The following AIG1 variants were observed in gnomAD, a reference collection of about 807,000 sequenced individuals.
AIG1 encodes androgen-induced gene 1 protein.
A neutral mutation model predicts 31.4 loss-of-function variants in AIG1; 23 were observed. The observed-to-expected ratio is 0.73, with a 90% CI of 0.53 to 1.04. The LOEUF (loss-of-function observed/expected upper bound fraction) is 1.04. AIG1 is among the 50% of genes least tolerant of loss of function. AIG1 has a pLI of 0.00. For missense variants in AIG1, 274 were observed against 295.0 expected (o/e 0.93, Z 0.52); for synonymous variants, 100 against 110.5 (o/e 0.90, Z 0.60).
At chr6:143,102,146 C>T (rs2128484054) in intron 1 of AIG1, among the ~76,000 whole-genome samples, 1 of 151,934 alleles carries the variant, frequency 6.6e-6, no homozygotes, top group African/African-American at 2.4e-5. Flanking sequence ...TATTTTATAG[C>T]TTGCTTTATG....
chr6:143,216,655 A>T (rs896725253), intron 3 of AIG1, among the ~76,000 whole-genome samples: 3 of 152,226 alleles, frequency 2.0e-5, no homozygotes, highest in African/African-American at 4.8e-5. Flanking sequence ...CATAGTACAG[A>T]TCAGGAATGG....
intron 1 of AIG1, among the ~76,000 whole-genome samples, chr6:143,084,184 T>G (rs1346172496): frequency 1.3e-5 from 2 of 152,152 alleles, no homozygotes; most frequent in Non-Finnish European, 2.9e-5. Flanking sequence ...GGTGATGGTA[T>G]GGGCTGGTGC....
At chr6:143,290,469 G>A (rs934891966) in intron 4 of AIG1, among the ~76,000 whole-genome samples, 26 of 152,184 alleles carry the variant, frequency 1.7e-4, no homozygotes, top group African/African-American at 5.1e-4. Context: ...CCGGAGTTGC[G>A]CGCATGCTCA....
At chr6:143,132,320 TTC>T (rs1358657013) in intron 1 of AIG1, among the ~76,000 whole-genome samples, 13 of 152,210 alleles carry the variant, frequency 8.5e-5, no homozygotes, top group Non-Finnish European at 1.8e-4. Flanking sequence ...TGATATTTAA[TTC>T]TCTCAGTTTC....
chr6:143,117,711 G>A (rs1781860924), intron 1 of AIG1, among the ~76,000 whole-genome samples: 1 of 152,094 alleles, frequency 6.6e-6, no homozygotes, highest in African/African-American at 2.4e-5. Flanking sequence ...GTCAAGAGTC[G>A]ATCAGATCTC....
chr6:143,139,859 C>CA (rs989808163), intron 2 of AIG1, among the ~76,000 whole-genome samples: 10 of 151,814 alleles, frequency 6.6e-5, no homozygotes, highest in Non-Finnish European at 1.5e-4. Context: ...ATTTTGAGGC[C>CA]AAAAAAAGCC....
chr6:143,136,905 G>A lies in AIG1; in HGVS notation c.212G>A (p.Gly71Glu). The part of the protein sequence containing the change: ...DLSSLLTRGS[G>E]NQEQERQLKK... ...TCCAGTCTTCTGACTCGAGGAAGTG[G>A]GAACCAGGAGCAAGAGAGGCAGCTC... The change falls in exon 2 of 6, where the codon GGG becomes GAG. Residue 71 changes from glycine (G) to glutamate (E), a missense_variant. Around this residue, in one of 2 missense-constraint regions of AIG1, gnomAD observed 243 missense variants for 238.5 expected, o/e 1.02. Transcript: ENST00000357847. The A allele has an allele frequency of 6.5e-7, 1 of 1,534,146 alleles. No individual in the cohort carries two copies. Among genetic ancestry groups the A allele is most frequent in the Non-Finnish European group, 8.9e-7 (1 of 1,129,752 alleles).
At chr6:143,061,189 A>G (rs1398849204) in intron 1 of AIG1, 123 bp downstream of exon 1, 2 of 1,217,786 alleles carry the variant, frequency 1.6e-6, no homozygotes. Flanking sequence ...TCCAGCATCC[A>G]CCCGTGTCCT....
At chr6:143,080,473 T>C (rs773517579) in intron 1 of AIG1, among the ~76,000 whole-genome samples, 3 of 151,940 alleles carry the variant, frequency 2.0e-5, no homozygotes, top group Non-Finnish European at 4.4e-5. Context: ...GCGGTGCAAG[T>C]GGGGTTTCCT....
At position 143,333,532 on chromosome 6, in the gene AIG1, CT is replaced by C; in HGVS notation, c.679+88del. On this transcript the variant is annotated intron_variant, in intron 5 of 5. Coordinates refer to ENST00000357847, the MANE Select transcript of AIG1 (RefSeq NM_016108.4). The surrounding 1 kb of genome is among the most constrained non-coding windows in gnomAD (Gnocchi z 4.6). ...GACTGAGGGAAAATTCCACTGTAGC[CT>C]CTTCTTTTAGCCTTCACACAGGATC... 1 of 1,396,436 alleles carries C rather than the reference CT, an allele frequency of 7.2e-7. No homozygotes were observed. Among genetic ancestry groups the C allele is most frequent in the Non-Finnish European group, 9.8e-7 (1 of 1,023,646 alleles). The allele number at this position is 1,396,436 out of a possible 1,614,324, so 86.5% of individuals were successfully genotyped here. A position where few individuals can be genotyped will look rare whatever the true frequency, so the allele number is the denominator to read the frequency against.
chr6:143,176,357 C>A (rs1392454023), intron 3 of AIG1, among the ~76,000 whole-genome samples: 1 of 152,028 alleles, frequency 6.6e-6, no homozygotes, highest in African/African-American at 2.4e-5. Flanking sequence ...CCTAGGGTCG[C>A]CTTTGGGTAA....
In AIG1 at chr6:143,293,423, G is replaced by A. The variant is rs1798195874; in HGVS notation, c.515+9198G>A. ...CATTGCTTTCCCATTATTCCAATCT[G>A]CGTATTTTTACAAGCACTGTGCTGA... is the stretch of plus-strand genomic sequence containing the variant. On this transcript the variant is annotated intron_variant, in intron 4 of 5. Coordinates refer to ENST00000357847, the MANE Select transcript of AIG1 (RefSeq NM_016108.4). The surrounding 1 kb of genome is among the most constrained non-coding windows in gnomAD (Gnocchi z 4.8). Among the ~76,000 whole-genome samples the A allele has an allele frequency of 6.6e-6, 1 of 152,098 alleles. No homozygotes were observed. The highest frequency in any genetic ancestry group is 2.4e-5 in the African/African-American group (1 of 41,406).
chr6:143,232,953 C>T (rs569810301), intron 3 of AIG1, among the ~76,000 whole-genome samples: 1 of 152,276 alleles, frequency 6.6e-6, no homozygotes, highest in African/African-American at 2.4e-5. Context: ...CCTGTTTCTT[C>T]TGTTCTGGGA....
chr6:143,180,209 T>C (rs1270250606), intron 3 of AIG1, among the ~76,000 whole-genome samples: 2 of 152,200 alleles, frequency 1.3e-5, no homozygotes, highest in South Asian at 2.1e-4. Flanking sequence ...TATAATTCAA[T>C]CTAACAAACA....
intron 3 of AIG1, among the ~76,000 whole-genome samples, chr6:143,166,181 A>C (rs967929528): frequency 6.6e-6 from 1 of 152,218 alleles, no homozygotes; most frequent in South Asian, 2.1e-4. Flanking sequence ...AAGCCAATTC[A>C]TCAAAAGTGG....
At position 143,293,910 on chromosome 6, in the gene AIG1, T is replaced by A. The variant is rs191410040; in HGVS notation, c.515+9685T>A. On this transcript the variant is annotated intron_variant, in intron 4 of 5. Transcript: ENST00000357847. The surrounding 1 kb of genome is among the most constrained non-coding windows in gnomAD (Gnocchi z 4.8). ...TTTCCTGTGGATTTCTCCAGCCATC[T>A]CTATCCACTCCCCTCCACCTCCACC... Among the ~76,000 whole-genome samples, 37 of 152,226 alleles carry A rather than the reference T, an allele frequency of 2.4e-4. No individual in the cohort carries two copies. In the East Asian group the frequency reaches 3.5e-3, roughly 14 times the overall value.
downstream of AIG1, chr6:143,342,542 A>T: frequency 1.2e-6 from 1 of 844,800 alleles, no homozygotes; most frequent in Non-Finnish European, 2.1e-6. Flanking sequence ...GGACTCTCAT[A>T]AAACCTTTAT....
rs143650017 is a variant in AIG1 at position 143,092,437 on chromosome 6, A to G, written c.141+31371A>G. On this transcript the variant is annotated intron_variant, in intron 1 of 5. Coordinates refer to ENST00000357847, the MANE Select transcript of AIG1 (RefSeq NM_016108.4). ...CCCAACCTATATTTCTTAAATAATA[A>G]GACTTGAAAGTCAAAATTCCCTCTT... Among the ~76,000 whole-genome samples, 1,456 of 152,204 alleles carry G rather than the reference A, an allele frequency of 9.6e-3. 17 individuals carry two copies. The highest frequency in any genetic ancestry group is 0.026 in the African/African-American group (1,100 of 41,548).
At chr6:143,073,127 C>A (rs1267939630) in intron 1 of AIG1, among the ~76,000 whole-genome samples, 3 of 152,156 alleles carry the variant, frequency 2.0e-5, no homozygotes, top group Non-Finnish European at 2.9e-5. Context: ...TGAGACCATG[C>A]AATATTTTTC....
Sources: allele counts gnomAD v4.1 joint callset (sites outside exome capture counted in the v4.1 genomes callset), GRCh38; gene constraint gnomAD v4.1.1; regional missense constraint gnomAD v4.1.1; non-coding constraint Gnocchi (gnomAD v3.1); transcripts MANE v1.5; gene names NCBI Gene and HGNC (gene_info 2026-07-23, HGNC 2026-07-21).